The following NCMAP variants were observed in gnomAD, a reference collection of about 807,000 sequenced individuals.
The protein encoded by NCMAP is non-compact myelin associated protein.
A neutral mutation model predicts 7.8 loss-of-function variants in NCMAP; 8 were observed. The observed-to-expected ratio is 1.02, with a 90% CI of 0.60 to 1.84. The LOEUF (loss-of-function observed/expected upper bound fraction) is 1.84. NCMAP is among the 40% of genes most tolerant of loss of function. The pLI is 0.00. For synonymous variants in NCMAP, 41 were observed against 52.9 expected, an observed-to-expected ratio of 0.78 and a Z score of 0.98; for missense variants, 112 against 131.4, an observed-to-expected ratio of 0.85 and a Z score of 0.72.
chr1:24,587,877 GA>G (rs1179431305), intron 1 of NCMAP, among the ~76,000 whole-genome samples: 1 of 152,184 alleles, frequency 6.6e-6, no homozygotes, highest in Admixed American at 6.5e-5. Context: ...CCTTTGTGGA[GA>G]GATAATTTGC....
At chr1:24,600,742 C>T (rs1174945404) in intron 2 of NCMAP, among the ~76,000 whole-genome samples, 198 bp from the exon 3 acceptor site, 1 of 152,196 alleles carries the variant, frequency 6.6e-6, no homozygotes, top group Non-Finnish European at 1.5e-5. Flanking sequence ...GGACAGGGTC[C>T]TTCAAGCGCA....
chr1:24,605,855 G>A lies in NCMAP; in HGVS notation c.*108G>A, dbSNP rs560098167. The A allele has an allele frequency of 4.3e-5, 57 of 1,323,844 alleles. No individual in the cohort carries two copies. The highest frequency in any genetic ancestry group is 5.5e-5 in the Non-Finnish European group (53 of 956,410). 82.0% of individuals were successfully genotyped at this position (1,323,844 alleles called of 1,614,324 possible). Reference sequence around the variant, plus strand: ...ACAATGAGCTTCTTCTGGTCAGGTCGACAGAGACATCTTTGACGCAATCTC... The same window carrying A: ...ACAATGAGCTTCTTCTGGTCAGGTCAACAGAGACATCTTTGACGCAATCTC... On this transcript the variant is annotated 3_prime_UTR_variant, in exon 4 of 4. Coordinates refer to ENST00000374392, the MANE Select transcript of NCMAP (RefSeq NM_001010980.5).
Position 24,605,591 on chromosome 1 carries a change from A to C in NCMAP, c.168-15A>C. The C allele has an allele frequency of 6.2e-7, 1 of 1,613,886 alleles. No homozygotes were observed. The highest frequency in any genetic ancestry group is 8.5e-7 in the Non-Finnish European group (1 of 1,179,798). On this transcript the variant is annotated splice_polypyrimidine_tract_variant and intron_variant, in intron 3 of 3. Coordinates refer to ENST00000374392, the MANE Select transcript of NCMAP (RefSeq NM_001010980.5). ...AGGGGAAAGACTCAACCATGTGCAC[A>C]TTATCTCCCTACAGGAAAATGAGGA...
At chr1:24,587,243 C>T (rs1385727710) in intron 1 of NCMAP, among the ~76,000 whole-genome samples, 2 of 152,278 alleles carry the variant, frequency 1.3e-5, no homozygotes, top group Non-Finnish European at 2.9e-5. Context: ...ACACCATCAC[C>T]CGAAGGCTTG....
chr1:24,584,993 A>G (rs1357759524), intron 1 of NCMAP, among the ~76,000 whole-genome samples: 3 of 151,406 alleles, frequency 2.0e-5, no homozygotes, highest in Non-Finnish European at 4.4e-5. Flanking sequence ...GGGTGGGGGC[A>G]TGAGTGGATA....
intron 1 of NCMAP, among the ~76,000 whole-genome samples, chr1:24,571,086 A>T (rs564635740): frequency 2.0e-5 from 3 of 150,976 alleles, no homozygotes; most frequent in Admixed American, 2.0e-4. Context: ...GTCCTTGGGT[A>T]TAAAGCAAAG....
chr1:24,591,054 T>C (rs1199645114), intron 1 of NCMAP, among the ~76,000 whole-genome samples: 1 of 146,808 alleles, frequency 6.8e-6, no homozygotes, highest in Non-Finnish European at 1.5e-5. Context: ...ACCCAGACAC[T>C]TTATCTGAGG....
intron 1 of NCMAP, among the ~76,000 whole-genome samples, chr1:24,586,180 A>G (rs1368945509): frequency 6.6e-6 from 1 of 152,198 alleles, no homozygotes; most frequent in Non-Finnish European, 1.5e-5. Context: ...TGAGGCAAAG[A>G]TGAAAATCCA....
At chr1:24,595,908 A>G (rs959467254) in intron 2 of NCMAP, among the ~76,000 whole-genome samples, 7 of 150,028 alleles carry the variant, frequency 4.7e-5, no homozygotes, top group Non-Finnish European at 7.4e-5. Context: ...GGCAGTTGTG[A>G]TGACTAAAGG....
chr1:24,560,160 CAAAAAAAA>C (rs67052970), intron 1 of NCMAP, among the ~76,000 whole-genome samples: 1 of 89,570 alleles, frequency 1.1e-5, no homozygotes, highest in Non-Finnish European at 2.2e-5. Context: ...GACTCCATCT[CAAAAAAAA>C]AAAAAAAAAA....
At chr1:24,603,339 GT>G (rs1243657415) in intron 3 of NCMAP, among the ~76,000 whole-genome samples, 2 of 151,668 alleles carry the variant, frequency 1.3e-5, no homozygotes, top group African/African-American at 4.8e-5. Context: ...ACAATTACAT[GT>G]AATAATAATA....
At chr1:24,593,896 ATTTATTTT>A (rs1652130494) in intron 1 of NCMAP, among the ~76,000 whole-genome samples, 4 of 90,536 alleles carry the variant, frequency 4.4e-5, no homozygotes, top group South Asian at 4.3e-4. Flanking sequence ...TTATTTATTT[ATTTATTTT>A]TTATTTTGAG....
intron 1 of NCMAP, among the ~76,000 whole-genome samples, chr1:24,574,931 G>A (rs192827046): frequency 2.7e-4 from 40 of 145,532 alleles, no homozygotes; most frequent in African/African-American, 9.9e-4. Flanking sequence ...AAGTAGCTGG[G>A]ATTACAGGCA....
intron 1 of NCMAP, among the ~76,000 whole-genome samples, chr1:24,573,257 G>A (rs903037241): frequency 6.6e-6 from 1 of 150,836 alleles, no homozygotes; most frequent in African/African-American, 2.5e-5. Context: ...GCTCTGTAGT[G>A]GGCAAGGCAT....
At position 24,564,517 on chromosome 1, in the gene NCMAP, AAAAAAAAAAAAAAAAC is replaced by A. The variant is rs1358387745; in HGVS notation, c.-8+8358_-8+8373del. On this transcript the variant is annotated intron_variant, in intron 1 of 3. Transcript: ENST00000374392. Reference sequence around the variant, plus strand: ...CAACAGAGTGAGATTCTGTCTCAAAAAAAAAAAAAAAAAAACAAAAAAAAACCTGAGAGAGATGGAG... The same window carrying A: ...CAACAGAGTGAGATTCTGTCTCAAAAAAAAAAAAACCTGAGAGAGATGGAG... 1.9e-3 allele frequency among the ~76,000 whole-genome samples: 254 copies of A among 132,624 alleles called. 10 individuals are homozygous for A. Among genetic ancestry groups the A allele is most frequent in the Admixed American group, 0.016 (203 of 13,008 alleles). 87.0% of individuals were successfully genotyped at this position (132,624 alleles called of 152,430 possible).
chr1:24,557,370 T>C (rs1650926686), intron 1 of NCMAP, among the ~76,000 whole-genome samples: 1 of 152,088 alleles, frequency 6.6e-6, no homozygotes, highest in Non-Finnish European at 1.5e-5. Context: ...GCACCCCCTC[T>C]TATGGTGCAT....
rs1228276475 is a variant in NCMAP, at chr1:24,597,675, AG to A, written c.82+2164del. On this transcript the variant is annotated intron_variant, in intron 2 of 3. Coordinates refer to ENST00000374392, the MANE Select transcript of NCMAP (RefSeq NM_001010980.5). ...AGAAAGAAAGAAAGAAAGAAAGAAA[AG>A]AAAAAGAAAGAAAGAAAGAGAAAGA... Among the ~76,000 whole-genome samples the A allele has an allele frequency of 5.7e-3, 669 of 117,244 alleles. 5 individuals are homozygous for A. Among genetic ancestry groups the A allele is most frequent in the Non-Finnish European group, 9.4e-3 (499 of 53,322 alleles). The allele number at this position is 117,244 out of a possible 152,430, so 76.9% of individuals were successfully genotyped here.
chr1:24,586,759 C>CAA (rs71577722), intron 1 of NCMAP, among the ~76,000 whole-genome samples: 71 of 107,402 alleles, frequency 6.6e-4, no homozygotes, highest in Admixed American at 7.8e-4. Flanking sequence ...GACTCCATCT[C>CAA]AAAAAAAAAA....
chr1:24,578,644 C>T (rs1651661606), intron 1 of NCMAP, among the ~76,000 whole-genome samples: 1 of 149,512 alleles, frequency 6.7e-6, no homozygotes, highest in South Asian at 2.1e-4. Flanking sequence ...CTCACTGCAG[C>T]CTCAACGTCC....
Sources: allele counts gnomAD v4.1 joint callset (sites outside exome capture counted in the v4.1 genomes callset), GRCh38; gene constraint gnomAD v4.1.1; transcripts MANE v1.5; gene names NCBI Gene and HGNC (gene_info 2026-07-23, HGNC 2026-07-21).